PTK2: variants seen among roughly 807,000 people sequenced by gnomAD.
PTK2 encodes protein tyrosine kinase 2, also known as focal adhesion kinase 1.
PTK2 carries 45 observed loss-of-function variants against 150.1 expected under a neutral mutation model. The ratio of observed to expected loss-of-function variants is 0.30; its 90% CI spans 0.24 to 0.38. The LOEUF is 0.38. Ranked by LOEUF, PTK2 falls within the 10% of genes least tolerant of loss-of-function variation. The pLI is 1.00. For synonymous variants in PTK2, 432 were observed against 449.2 expected, an observed-to-expected ratio of 0.96 and a Z score of 0.48; for missense variants, 919 against 1,307.3, an observed-to-expected ratio of 0.70 and a Z score of 4.58.
At chr8:140,706,641 G>T (rs965407360) in intron 23 of PTK2, among the ~76,000 whole-genome samples, 5 of 152,154 alleles carry the variant, frequency 3.3e-5, no homozygotes, top group African/African-American at 1.2e-4. Context: ...ATGTAAAATG[G>T]TGTAGTCACT....
Position 140,813,382 on chromosome 8 carries a change from A to G in PTK2, c.867+4895T>C, listed in dbSNP as rs1659760695. On this transcript the variant is annotated intron_variant, in intron 10 of 31. Coordinates refer to ENST00000522684, the Ensembl canonical transcript of PTK2. Reference sequence around the variant, plus strand: ...AGAATCTCTGGGACACAGGTAAGGCAGTGTAAAGAGGTAAATTTGTAGTAC... The same window carrying G: ...AGAATCTCTGGGACACAGGTAAGGCGGTGTAAAGAGGTAAATTTGTAGTAC... 2.0e-5 allele frequency among the ~76,000 whole-genome samples: 3 copies of G among 151,862 alleles called. No individual in the cohort carries two copies. In the South Asian group the frequency reaches 6.3e-4, roughly 32 times the overall value.
intron 2 of PTK2, among the ~76,000 whole-genome samples, chr8:140,912,364 T>C (rs1436122025): frequency 6.6e-6 from 1 of 151,522 alleles, no homozygotes; most frequent in Admixed American, 6.6e-5. Context: ...TTGAGTACAG[T>C]GGCTCGTGCC....
At chr8:140,770,400 CCTGCTGACCT>C (rs1437020880) in intron 14 of PTK2, among the ~76,000 whole-genome samples, 5 of 152,134 alleles carry the variant, frequency 3.3e-5, no homozygotes, top group Non-Finnish European at 7.3e-5. Flanking sequence ...AAAGTGTGAT[CCTGCTGACCT>C]CTGTGGGAAA....
At chr8:140,666,773 C>T (rs2092225049) in intron 30 of PTK2, among the ~76,000 whole-genome samples, 1 of 152,170 alleles carries the variant, frequency 6.6e-6, no homozygotes. Context: ...TGAGTATACA[C>T]TCAAAAGAAG....
chr8:140,731,245 C>A (rs1223234069), intron 22 of PTK2, among the ~76,000 whole-genome samples: 3 of 152,128 alleles, frequency 2.0e-5, no homozygotes, highest in African/African-American at 7.2e-5. Flanking sequence ...CAGGCTTGAG[C>A]CACTGCGCCC....
chr8:140,795,182 T>C (rs1313067237), intron 12 of PTK2, among the ~76,000 whole-genome samples: 1 of 152,204 alleles, frequency 6.6e-6, no homozygotes, highest in East Asian at 1.9e-4. Flanking sequence ...CAGGCCAACC[T>C]ACCATGGTCT....
In PTK2 at chr8:140,714,796, C is replaced by CAAAAAAAAA. The variant is rs398010102; in HGVS notation, c.2142+2793_2142+2801dup. ...CGGGCAATAGAGCAAGGCTCTGTCT[C>CAAAAAAAAA]AAAAAAAAAAAAAAAAAAAAAAAAA... On this transcript the variant is annotated intron_variant, in intron 23 of 31. Transcript: ENST00000522684. 1.5e-3 allele frequency among the ~76,000 whole-genome samples: 72 copies of CAAAAAAAAA among 46,860 alleles called. 12 individuals carry two copies. Among genetic ancestry groups the CAAAAAAAAA allele is most frequent in the Non-Finnish European group, 2.0e-3 (56 of 28,152 alleles). The allele number at this position is 46,860 out of a possible 152,430, so 30.7% of individuals were successfully genotyped here.
chr8:140,823,465 C>T (rs2100110039), intron 8 of PTK2, among the ~76,000 whole-genome samples: 1 of 116,224 alleles, frequency 8.6e-6, no homozygotes, highest in African/African-American at 3.0e-5. Context: ...ACAGAATCTG[C>T]TCTTGAGGTT....
intron 5 of PTK2, among the ~76,000 whole-genome samples, chr8:140,853,006 G>C (rs1231717174): frequency 6.6e-6 from 1 of 152,156 alleles, no homozygotes; most frequent in Non-Finnish European, 1.5e-5. Context: ...ATTTGAACCA[G>C]ATAATTTATG....
At chr8:140,894,980 C>G (rs570305947) in intron 2 of PTK2, among the ~76,000 whole-genome samples, 3 of 152,106 alleles carry the variant, frequency 2.0e-5, no homozygotes, top group African/African-American at 7.2e-5. Context: ...CTGAAGTTGC[C>G]CATACACTGA....
At chr8:140,860,811 A>G (rs1361392372) in intron 5 of PTK2, among the ~76,000 whole-genome samples, 1 of 151,954 alleles carries the variant, frequency 6.6e-6, no homozygotes, top group Non-Finnish European at 1.5e-5. Context: ...TTCCCTTTTT[A>G]TGACTTTGGT....
At chr8:140,905,732 G>A (rs188347474) in intron 2 of PTK2, among the ~76,000 whole-genome samples, 2 of 152,158 alleles carry the variant, frequency 1.3e-5, no homozygotes, top group Non-Finnish European at 2.9e-5. Context: ...ATTCTTCTCA[G>A]CACATCACAC....
At chr8:140,888,376 G>A (rs1202718720) in intron 3 of PTK2, among the ~76,000 whole-genome samples, 1 of 152,192 alleles carries the variant, frequency 6.6e-6, no homozygotes, top group Non-Finnish European at 1.5e-5. Flanking sequence ...TCAGTATCAT[G>A]AGAACCTCAT....
At chr8:141,001,414 CCCCGCGCATGCCCAGCGCGCCGCT>C (rs1406999833), upstream of PTK2, 3 of 150,052 alleles carry the variant, frequency 2.0e-5, no homozygotes, top group South Asian at 4.2e-4. Flanking sequence ...TGCGCGCCGC[CCCCGCGCATGCCCAGCGCGCCGCT>C]AGGCTCTGCT....
intron 7 of PTK2, among the ~76,000 whole-genome samples, chr8:140,841,059 C>T (rs372212999): frequency 7.9e-5 from 12 of 152,068 alleles, no homozygotes; most frequent in African/African-American, 2.4e-4. Context: ...TAAATAAAAG[C>T]GCCTCAAAAT....
intron 4 of PTK2, among the ~76,000 whole-genome samples, chr8:140,868,378 A>C (rs1318493233): frequency 1.3e-5 from 2 of 152,246 alleles, no homozygotes; most frequent in African/African-American, 4.8e-5. Context: ...GGAAATAGAA[A>C]TTTATCATTT....
chr8:140,943,541 A>C (rs961247720), intron 1 of PTK2, among the ~76,000 whole-genome samples: 2 of 142,354 alleles, frequency 1.4e-5, no homozygotes, highest in Non-Finnish European at 2.9e-5. Flanking sequence ...AAATGTTCAC[A>C]TAGAGGTCAT....
At chr8:140,956,814 C>T (rs1455802205) in intron 1 of PTK2, among the ~76,000 whole-genome samples, 1 of 152,170 alleles carries the variant, frequency 6.6e-6, no homozygotes, top group Non-Finnish European at 1.5e-5. Context: ...CCTGTAATCC[C>T]AGCACTTTGG....
In PTK2 at chr8:140,962,490, G is replaced by A. The variant is rs114099304; in HGVS notation, c.-121-36741C>T. Among the ~76,000 whole-genome samples the A allele has an allele frequency of 4.2e-3, 643 of 152,166 alleles. 9 individuals are homozygous for A. The highest frequency in any genetic ancestry group is 0.015 in the African/African-American group (602 of 41,492). ...ACATACTCTGTGAGGGGCCTGAGGG[G>A]CCTCCTGTATAGGACACACAGCTCG... is the stretch of plus-strand genomic sequence containing the variant. On this transcript the variant is annotated intron_variant, in intron 1 of 31. Coordinates refer to ENST00000522684, the Ensembl canonical transcript of PTK2.
Sources: gnomAD v4.1 joint callset for allele counts (sites outside exome capture counted in the v4.1 genomes callset) on GRCh38, gnomAD v4.1.1 for gene constraint, MANE v1.5 for transcripts, NCBI Gene and HGNC (gene_info 2026-07-23, HGNC 2026-07-21) for gene names.